The following SIDT1 variants were observed in gnomAD, a reference collection of about 807,000 sequenced individuals.
SIDT1 encodes the protein SID1 transmembrane family member 1, also known as SID1 transmembrane family, member 1.
A neutral mutation model predicts 107.5 loss-of-function variants in SIDT1; 101 were observed. That is an observed-to-expected ratio of 0.94 (90% CI 0.80 to 1.11). The LOEUF is 1.11. Ranked by LOEUF, SIDT1 falls within the 50% of genes least tolerant of loss-of-function variation. SIDT1 has a pLI of 0.00. For synonymous variants in SIDT1, 395 were observed against 398.2 expected (o/e 0.99, Z 0.10); for missense variants, 1,076 against 1,058.2 (o/e 1.02, Z -0.23).
chr3:113,625,851 A>AC, intron 23 of SIDT1: 1 of 415,594 alleles, frequency 2.4e-6, no homozygotes. Flanking sequence ...TTGTCTCTTC[A>AC]CTTTGTTCGT....
intron 13 of SIDT1, 46 bp downstream of exon 13, chr3:113,604,079 GT>G: frequency 1.5e-6 from 2 of 1,371,006 alleles, no homozygotes; most frequent in Admixed American, 2.1e-5. Flanking sequence ...AATAAACATA[GT>G]TTTCTTAGTC....
intron 6 of SIDT1, among the ~76,000 whole-genome samples, chr3:113,582,947 A>G (rs765909044): frequency 4.6e-5 from 7 of 152,202 alleles, no homozygotes; most frequent in Non-Finnish European, 8.8e-5. Flanking sequence ...ACATAGAGAA[A>G]CATACTTAGA....
chr3:113,581,260 C>T (rs1180329587), intron 5 of SIDT1, 101 bp from the exon 6 acceptor site: 1 of 935,898 alleles, frequency 1.1e-6, no homozygotes, highest in Non-Finnish European at 1.7e-6. Flanking sequence ...GGATCCCCTG[C>T]TCTGTGATCC....
Position 113,623,689 on chromosome 3 carries a change from G to GCTGC in SIDT1, c.2265_2268dup (p.Ala757CysfsTer35). Reference sequence around the variant, plus strand: ...CATCGTGGCCACCGCTGTGATGTGGGCTGCCGCCCTATATTTTTTCTTCCA... The same window carrying GCTGC: ...CATCGTGGCCACCGCTGTGATGTGGGCTGCCTGCCGCCCTATATTTTTTCTTCCA... On this transcript the variant is annotated frameshift_variant, in exon 23 of 25. Transcript: ENST00000264852. LOFTEE classifies it high-confidence loss of function. 6.2e-7 allele frequency: 1 copy of GCTGC among 1,614,066 alleles called. No homozygotes were observed. The highest frequency in any genetic ancestry group is 8.5e-7 in the Non-Finnish European group (1 of 1,179,972).
At position 113,590,308 on chromosome 3, in the gene SIDT1, T is replaced by C. The variant is rs1298944210; in HGVS notation, c.1002-2697T>C. The C allele has an allele frequency of 2.0e-5, 3 of 152,100 alleles. No individual in the cohort carries two copies. In the East Asian group the frequency reaches 5.8e-4, roughly 29 times the overall value. The allele number at this position is 152,100 out of a possible 1,614,324, so 9.4% of individuals were successfully genotyped here. A position where few individuals can be genotyped will look rare whatever the true frequency, so the allele number is the denominator to read the frequency against. On this transcript the variant is annotated intron_variant, in intron 9 of 24. Transcript: ENST00000264852. ...AAATCAGGATATGCAACTTATAGAG[T>C]TCCCATCTGGAAGTAATAAGAGAAT... is the stretch of plus-strand genomic sequence containing the variant.
intron 1 of SIDT1, among the ~76,000 whole-genome samples, chr3:113,537,050 A>T (rs1938253916): frequency 6.6e-6 from 1 of 152,242 alleles, no homozygotes; most frequent in African/African-American, 2.4e-5. Flanking sequence ...GACAGTTGGC[A>T]GCAACAATCA....
At chr3:113,592,268 C>T (rs1161867928) in intron 9 of SIDT1, among the ~76,000 whole-genome samples, 4 of 152,020 alleles carry the variant, frequency 2.6e-5, no homozygotes, top group South Asian at 4.1e-4. Context: ...AAAGTAATTG[C>T]GGTTTTGCCA....
At position 113,566,041 on chromosome 3, in the gene SIDT1, A is replaced by G. The variant is rs75205559; in HGVS notation, c.223-379A>G. 1.1e-4 allele frequency among the ~76,000 whole-genome samples: 17 copies of G among 152,272 alleles called. No individual in the cohort carries two copies. In the East Asian group the frequency reaches 3.3e-3, roughly 29 times the overall value. ...TTTCTGTTCTGGGTTCATTCTCAAA[A>G]TCTTGTGTTGCCTGCTCCGTTCAAA... On this transcript the variant is annotated intron_variant, in intron 1 of 24. Transcript: ENST00000264852.
At chr3:113,543,317 T>G (rs1424905055) in intron 1 of SIDT1, among the ~76,000 whole-genome samples, 2 of 152,136 alleles carry the variant, frequency 1.3e-5, no homozygotes, top group Non-Finnish European at 2.9e-5. Flanking sequence ...ATCCTTACAC[T>G]TACCCAAAAA....
At chr3:113,571,162 C>T (rs1446938566) in intron 3 of SIDT1, among the ~76,000 whole-genome samples, 1 of 152,216 alleles carries the variant, frequency 6.6e-6, no homozygotes, top group Non-Finnish European at 1.5e-5. Context: ...TGGCTCCCGC[C>T]TGTAATTCCA....
intron 1 of SIDT1, among the ~76,000 whole-genome samples, chr3:113,543,200 C>G (rs1939145177): frequency 6.6e-6 from 1 of 152,052 alleles, no homozygotes. Context: ...CTCAGCCTCC[C>G]AAAATGCTGA....
At chr3:113,582,385 G>A (rs577057112) in intron 6 of SIDT1, among the ~76,000 whole-genome samples, 8 of 152,160 alleles carry the variant, frequency 5.3e-5, no homozygotes, top group Admixed American at 1.3e-4. Context: ...TTATAATTTA[G>A]GTATGAGACC....
chr3:113,605,443 C>A (rs904382300), intron 14 of SIDT1, among the ~76,000 whole-genome samples: 1 of 152,136 alleles, frequency 6.6e-6, no homozygotes, highest in African/African-American at 2.4e-5. Context: ...TCATCTTTAA[C>A]TGACCTTTCA....
intron 1 of SIDT1, among the ~76,000 whole-genome samples, chr3:113,556,078 A>C (rs1940825080): frequency 6.6e-6 from 1 of 152,198 alleles, no homozygotes; most frequent in African/African-American, 2.4e-5. Flanking sequence ...TACTGTTTCC[A>C]TTCTACAATT....
At chr3:113,538,655 C>G (rs1185898982) in intron 1 of SIDT1, among the ~76,000 whole-genome samples, 1 of 152,200 alleles carries the variant, frequency 6.6e-6, no homozygotes, top group Non-Finnish European at 1.5e-5. Flanking sequence ...TTTTCAAACA[C>G]ACATGTGGCT....
the SIDT1 span, among the ~76,000 whole-genome samples, chr3:113,634,874 A>T: frequency 1.3e-5 from 2 of 152,244 alleles, no homozygotes; most frequent in African/African-American, 2.4e-5. Flanking sequence ...CCTGATATAT[A>T]AACCTGAGTA....
chr3:113,559,825 A>C lies in SIDT1; in HGVS notation c.223-6595A>C, dbSNP rs188276489. Among the ~76,000 whole-genome samples, 312 of 152,142 alleles carry C rather than the reference A, an allele frequency of 2.1e-3. 1 individual carries two copies. Among genetic ancestry groups the C allele is most frequent in the South Asian group, 5.6e-3 (27 of 4,820 alleles). On this transcript the variant is annotated intron_variant, in intron 1 of 24. Coordinates refer to ENST00000264852, the MANE Select transcript of SIDT1 (RefSeq NM_017699.3). ...TTATGCGTTTTAAGGGTCCTTATAT[A>C]TTCAAGATACTGATATTTTGTCTGT...
At chr3:113,597,129 G>T (rs1367062673) in intron 10 of SIDT1, among the ~76,000 whole-genome samples, 2 of 152,106 alleles carry the variant, frequency 1.3e-5, no homozygotes, top group East Asian at 3.8e-4. Context: ...AAAGATGATG[G>T]TTTTCTTCAT....
At chr3:113,549,495 T>G (rs759813105) in intron 1 of SIDT1, among the ~76,000 whole-genome samples, 5 of 152,206 alleles carry the variant, frequency 3.3e-5, no homozygotes, top group Non-Finnish European at 7.4e-5. Flanking sequence ...TGCATTTCCC[T>G]TTAATTGCAA....
Sources: gnomAD v4.1 joint callset for allele counts (sites outside exome capture counted in the v4.1 genomes callset) on GRCh38, gnomAD v4.1.1 for gene constraint, MANE v1.5 for transcripts, NCBI Gene and HGNC (gene_info 2026-07-23, HGNC 2026-07-21) for gene names.